Variants in DEPDC4 observed in about 807,000 individuals in gnomAD.
The protein encoded by DEPDC4 is DEP domain containing 4.
DEPDC4 carries 52 observed loss-of-function variants against 52.0 expected under a neutral mutation model. The ratio of observed to expected loss-of-function variants is 1.00; its 90% confidence interval spans 0.80 to 1.26. The LOEUF is 1.26. Among genes scored for constraint, DEPDC4 ranks in the 50% most tolerant of loss-of-function variants. The pLI is 0.00. For synonymous variants in DEPDC4, 201 were observed against 196.8 expected, an observed-to-expected ratio of 1.02 and a Z score of -0.18; for missense variants, 530 against 546.9, an observed-to-expected ratio of 0.97 and a Z score of 0.31.
chr12:100,247,565 C>T (rs2153906521), intron 8 of DEPDC4, among the ~76,000 whole-genome samples: 1 of 152,158 alleles, frequency 6.6e-6, no homozygotes, highest in Non-Finnish European at 1.5e-5. Flanking sequence ...CTATTTTCCT[C>T]AAAAGTCAAA....
At chr12:100,232,668 G>A (rs1335899180) in intron 9 of DEPDC4, among the ~76,000 whole-genome samples, 1 of 152,158 alleles carries the variant, frequency 6.6e-6, no homozygotes, top group Non-Finnish European at 1.5e-5. Context: ...CGGATCACCT[G>A]AGGTCGGGAG....
upstream of DEPDC4, among the ~76,000 whole-genome samples, chr12:100,271,526 A>G (rs915704177): frequency 6.6e-6 from 1 of 152,154 alleles, no homozygotes; most frequent in Non-Finnish European, 1.5e-5. Flanking sequence ...CAAATCTCAG[A>G]CCTTTGTGCC....
downstream of DEPDC4, chr12:100,237,767 T>C (rs1170172979): frequency 1.3e-5 from 2 of 152,234 alleles, no homozygotes; most frequent in African/African-American, 4.8e-5. Flanking sequence ...CTTAAACTAT[T>C]AAAGGAATAG....
At chr12:100,278,630 CTTT>C in the DEPDC4 span, among the ~76,000 whole-genome samples, 12 of 120,478 alleles carry the variant, frequency 1.0e-4, no homozygotes, top group East Asian at 2.4e-4. Context: ...TGGGGAAATT[CTTT>C]TTTTTTTTTT....
chr12:100,238,944 T>C (rs2096148136), downstream of DEPDC4, among the ~76,000 whole-genome samples: 2 of 152,260 alleles, frequency 1.3e-5, no homozygotes, highest in African/African-American at 2.4e-5. Context: ...CGTGAAAATT[T>C]GCTGACAGCC....
chr12:100,271,052 A>G (rs773461167), upstream of DEPDC4, among the ~76,000 whole-genome samples: 4 of 152,278 alleles, frequency 2.6e-5, no homozygotes, highest in South Asian at 2.1e-4. Context: ...GAGAATGATT[A>G]TACTCAGCTG....
chr12:100,255,338 T>C (rs571984882), intron 4 of DEPDC4, among the ~76,000 whole-genome samples: 21 of 152,336 alleles, frequency 1.4e-4, no homozygotes, highest in Non-Finnish European at 2.9e-4. Flanking sequence ...AAATCTGTCA[T>C]GTACAAACAG....
chr12:100,275,615 G>T, the DEPDC4 span, among the ~76,000 whole-genome samples: 1 of 152,156 alleles, frequency 6.6e-6, no homozygotes. Flanking sequence ...GTATGCAGTT[G>T]TGTCATTTGG....
At chr12:100,277,082 A>C in the DEPDC4 span, among the ~76,000 whole-genome samples, 2,567 of 152,190 alleles carry the variant, frequency 0.017, 71 homozygotes, top group African/African-American at 0.058. Flanking sequence ...TTCTAGTTTA[A>C]TTTTATTGTA....
intron 2 of DEPDC4, 138 bp from the exon 3 acceptor site, chr12:100,262,547 T>C: frequency 3.5e-6 from 2 of 578,768 alleles, no homozygotes; most frequent in Non-Finnish European, 5.3e-6. Flanking sequence ...TAATAAAAGA[T>C]GCAAATAATT....
intron 1 of DEPDC4, 151 bp downstream of exon 1, chr12:100,266,769 C>T: frequency 1.8e-6 from 2 of 1,091,156 alleles, no homozygotes; most frequent in Non-Finnish European, 2.6e-6. Flanking sequence ...GTCCTGGGTC[C>T]CCCAGTCCAG....
intron 3 of DEPDC4, among the ~76,000 whole-genome samples, chr12:100,256,658 T>C (rs723104): frequency 0.18 from 26,697 of 150,196 alleles, 2,547 homozygotes; most frequent in Non-Finnish European, 0.21. Context: ...TTTTTTTTTT[T>C]TGAGATGGAG....
chr12:100,279,373 G>A, the DEPDC4 span, among the ~76,000 whole-genome samples: 1 of 152,240 alleles, frequency 6.6e-6, no homozygotes, highest in East Asian at 1.9e-4. Context: ...CTCACCTCCT[G>A]CTCTGCAGCC....
chr12:100,243,320 A>T (rs2096168098), intron 8 of DEPDC4, among the ~76,000 whole-genome samples: 1 of 152,184 alleles, frequency 6.6e-6, no homozygotes, highest in South Asian at 2.1e-4. Context: ...GCTCAGAATT[A>T]TGCATCAATC....
intron 8 of DEPDC4, among the ~76,000 whole-genome samples, chr12:100,243,606 T>C (rs572772752): frequency 6.6e-6 from 1 of 152,142 alleles, no homozygotes; most frequent in East Asian, 1.9e-4. Flanking sequence ...ACTAATTACC[T>C]CCTGCCTCCT....
upstream of DEPDC4, among the ~76,000 whole-genome samples, chr12:100,270,133 C>T (rs2096286004): frequency 6.6e-6 from 1 of 151,864 alleles, no homozygotes; most frequent in Admixed American, 6.6e-5. Flanking sequence ...ACTACAGGCG[C>T]CCACCACCAG....
At chr12:100,234,797 C>T (rs958004931) in intron 9 of DEPDC4, among the ~76,000 whole-genome samples, 17 of 152,162 alleles carry the variant, frequency 1.1e-4, no homozygotes, top group African/African-American at 4.1e-4. Context: ...ATGCTTTACA[C>T]GTAAGTCCCT....
chr12:100,262,323 T>C lies in DEPDC4; in HGVS notation c.641A>G (p.Asn214Ser). Reference protein sequence around the residue: ...IEELIHTINGNPALCPNITVQ... With the variant: ...IEELIHTINGSPALCPNITVQ... ...TGTGATATTTGGACATAAAGCTGGA[T>C]TCCCATTTATTGTATGAATAAGTTC... Residue 214 changes from asparagine to serine, a missense_variant, in exon 3 of 10, where the codon AAT (asparagine) becomes AGT (serine). By Grantham distance (46) the Asn-to-Ser change is conservative. Coordinates refer to ENST00000550587, the MANE Select transcript of DEPDC4 (RefSeq NM_001364818.2). 1.2e-6 allele frequency: 2 copies of C among 1,613,506 alleles called. No homozygotes were observed. Among genetic ancestry groups the C allele is most frequent in the Non-Finnish European group, 1.7e-6 (2 of 1,179,788 alleles).
At chr12:100,267,265 G>A, upstream of DEPDC4, 2 of 614,274 alleles carry the variant, frequency 3.3e-6, no homozygotes, top group South Asian at 2.1e-5. Flanking sequence ...GGCCGCGGGG[G>A]CGGCGGAGGA....
Sources: allele counts gnomAD v4.1 joint callset (sites outside exome capture counted in the v4.1 genomes callset), GRCh38; gene constraint gnomAD v4.1.1; transcripts MANE v1.5; gene names NCBI Gene and HGNC (gene_info 2026-07-23, HGNC 2026-07-21).